Variants in FAM229B observed in about 807,000 individuals in gnomAD.
FAM229B encodes the protein protein FAM229B.
FAM229B carries 2 observed loss-of-function variants against 6.7 expected under a neutral mutation model. The ratio of observed to expected loss-of-function variants is 0.30; its 90% CI spans 0.12 to 0.94. The LOEUF is 0.94. Ranked by LOEUF, FAM229B falls within the 40% of genes least tolerant of loss-of-function variation. The probability of loss-of-function intolerance (pLI) is 0.54; values close to 1 mark genes in which losing one functional copy is unlikely to be tolerated. For missense variants in FAM229B, 93 were observed against 96.2 expected, an observed-to-expected ratio of 0.97 and a Z score of 0.14; for synonymous variants, 29 against 34.0, an observed-to-expected ratio of 0.85 and a Z score of 0.51.
At position 112,102,484 on chromosome 6, in the gene FAM229B, C is replaced by CAA. The variant is rs11373481; in HGVS notation, c.*1705_*1706dup. On this transcript the variant is annotated 3_prime_UTR_variant, in exon 4 of 4. Coordinates refer to ENST00000368656, the MANE Select transcript of FAM229B (RefSeq NM_001033564.3). ...TAGGCAACAGAGTGAGACTTTGTCT[C>CAA]AAAAAAAAAGAAAAACAAAGAAAAA... The CAA allele has an allele frequency of 1.3e-4, 19 of 149,380 alleles. No homozygotes were observed. The highest frequency in any genetic ancestry group is 2.0e-4 in the East Asian group (1 of 5,076). The allele number at this position is 149,380 out of a possible 1,614,324, so 9.3% of individuals were successfully genotyped here.
chr6:112,100,588 A>T, intron 3 of FAM229B, 82 bp from the exon 4 acceptor site: 1 of 874,158 alleles, frequency 1.1e-6, no homozygotes, highest in Non-Finnish European at 1.9e-6. Flanking sequence ...ACAGTTAAAT[A>T]TACAATCAAA....
intron 3 of FAM229B, 74 bp downstream of exon 3, chr6:112,099,482 T>G (rs17073343): frequency 0.27 from 380,988 of 1,390,824 alleles, 53,623 homozygotes; most frequent in African/African-American, 0.41. Flanking sequence ...CTGATATTCA[T>G]TATTAGCAAG....
chr6:112,096,420 G>A (rs1010831685), intron 1 of FAM229B, among the ~76,000 whole-genome samples: 4 of 152,062 alleles, frequency 2.6e-5, no homozygotes, highest in Non-Finnish European at 5.9e-5. Flanking sequence ...GCCGGGTGTG[G>A]TGGCGGGTGC....
chr6:112,098,796 T>C (rs587666572), intron 2 of FAM229B, among the ~76,000 whole-genome samples: 2 of 152,352 alleles, frequency 1.3e-5, no homozygotes, highest in East Asian at 3.9e-4. Flanking sequence ...AATTTTGTTT[T>C]CACACGGCAG....
intron 2 of FAM229B, among the ~76,000 whole-genome samples, chr6:112,098,490 G>A (rs587647130): frequency 2.4e-4 from 36 of 152,260 alleles, no homozygotes; most frequent in South Asian, 1.0e-3. Context: ...TGCACTTTAC[G>A]TGTATTACCT....
chr6:112,098,950 A>G (rs1029602091), intron 2 of FAM229B, among the ~76,000 whole-genome samples: 1 of 152,248 alleles, frequency 6.6e-6, no homozygotes, highest in South Asian at 2.1e-4. Flanking sequence ...CTATTTAAAA[A>G]TAGAATAACA....
Position 112,087,631 on chromosome 6 carries a change from C to A in FAM229B, c.-265C>A. On this transcript the variant is annotated 5_prime_UTR_variant, in exon 1 of 4. Coordinates refer to ENST00000368656, the MANE Select transcript of FAM229B (RefSeq NM_001033564.3). ...AAGTGCACTTGCGTGTCACCGTTAC[C>A]GTAGCGACTGGGCTTCTGGACTGTA... is the stretch of plus-strand genomic sequence containing the variant. The A allele has an allele frequency of 1.6e-6, 1 of 610,740 alleles. No homozygotes were observed. Among genetic ancestry groups the A allele is most frequent in the Admixed American group, 3.0e-5 (1 of 33,224 alleles). 37.8% of individuals were successfully genotyped at this position (610,740 alleles called of 1,614,324 possible).
chr6:112,093,595 C>G (rs587625357), intron 1 of FAM229B, among the ~76,000 whole-genome samples: 116 of 152,164 alleles, frequency 7.6e-4, no homozygotes, highest in African/African-American at 2.8e-3. Context: ...TTTACCAAAG[C>G]AGTTTATATT....
Position 112,090,741 on chromosome 6 carries a change from AATT to A in FAM229B, c.-176+3025_-176+3027del, listed in dbSNP as rs1290445286. Among the ~76,000 whole-genome samples, 22 of 152,232 alleles carry A rather than the reference AATT, an allele frequency of 1.4e-4. 1 individual carries two copies. In the South Asian group the frequency reaches 4.4e-3, roughly 30 times the overall value. On this transcript the variant is annotated intron_variant, in intron 1 of 3. Coordinates refer to ENST00000368656, the MANE Select transcript of FAM229B (RefSeq NM_001033564.3). Reference sequence around the variant, plus strand: ...TGATTTGTTTGATTTTAAATTGATTAATTATTGTGTATATTAATGGGGTACAGT... The same window carrying A: ...TGATTTGTTTGATTTTAAATTGATTAATTGTGTATATTAATGGGGTACAGT...
intron 1 of FAM229B, among the ~76,000 whole-genome samples, chr6:112,091,764 T>C (rs938165117): frequency 6.6e-6 from 1 of 151,682 alleles, no homozygotes; most frequent in Admixed American, 6.6e-5. Context: ...GAACAAGAAA[T>C]GGCACAAATG....
At chr6:112,095,980 T>C (rs1554318616) in intron 1 of FAM229B, among the ~76,000 whole-genome samples, 1 of 152,210 alleles carries the variant, frequency 6.6e-6, no homozygotes, top group Non-Finnish European at 1.5e-5. Flanking sequence ...AAAATGCCAG[T>C]TTTCTATAAC....
At chr6:112,091,088 A>T (rs1777251564) in intron 1 of FAM229B, among the ~76,000 whole-genome samples, 1 of 152,084 alleles carries the variant, frequency 6.6e-6, no homozygotes, top group African/African-American at 2.4e-5. Context: ...TTTAGATTCC[A>T]CATCTAAGTG....
intron 1 of FAM229B, among the ~76,000 whole-genome samples, chr6:112,095,999 T>C (rs1463177211): frequency 3.3e-5 from 5 of 152,222 alleles, no homozygotes; most frequent in Non-Finnish European, 5.9e-5. Flanking sequence ...ACTTGAGTCA[T>C]ATGAAAACAC....
intron 1 of FAM229B, among the ~76,000 whole-genome samples, chr6:112,094,170 G>A (rs1343110438): frequency 6.6e-6 from 1 of 151,924 alleles, no homozygotes; most frequent in Non-Finnish European, 1.5e-5. Context: ...AGCAAATTAA[G>A]CCCAAAGTAG....
chr6:112,094,672 G>A (rs1554318500), intron 1 of FAM229B, among the ~76,000 whole-genome samples: 1 of 152,078 alleles, frequency 6.6e-6, no homozygotes. Context: ...CACATGCCTG[G>A]CTCATGGTGG....
intron 3 of FAM229B, among the ~76,000 whole-genome samples, chr6:112,099,979 C>A (rs1447285868): frequency 2.6e-5 from 4 of 152,154 alleles, no homozygotes; most frequent in Admixed American, 2.6e-4. Flanking sequence ...TTAAATACTA[C>A]ATTGTTAGAT....
At chr6:112,095,844 G>A (rs75674031) in intron 1 of FAM229B, among the ~76,000 whole-genome samples, 7,112 of 152,062 alleles carry the variant, frequency 0.047, 427 homozygotes, top group African/African-American at 0.13. Context: ...ATTTGTTTGT[G>A]TGACTGTGAC....
At chr6:112,088,430 C>T (rs1554317783) in intron 1 of FAM229B, among the ~76,000 whole-genome samples, 1 of 152,088 alleles carries the variant, frequency 6.6e-6, no homozygotes, top group African/African-American at 2.4e-5. Context: ...ATATTTTCCA[C>T]AAAAATTCTG....
intron 1 of FAM229B, among the ~76,000 whole-genome samples, chr6:112,094,667 G>T (rs938963206): frequency 2.0e-5 from 3 of 152,130 alleles, no homozygotes; most frequent in Non-Finnish European, 4.4e-5. Context: ...CTTAACACAT[G>T]CCTGGCTCAT....
Sources: allele counts gnomAD v4.1 joint callset (sites outside exome capture counted in the v4.1 genomes callset), GRCh38; gene constraint gnomAD v4.1.1; transcripts MANE v1.5; gene names NCBI Gene and HGNC (gene_info 2026-07-23, HGNC 2026-07-21).